Variants in ASTN2 observed in about 807,000 individuals in gnomAD.
ASTN2 encodes astrotactin 2.
Under a neutral mutation model 139.8 loss-of-function variants are expected in ASTN2, and 54 were observed. That is an observed-to-expected ratio of 0.39 (90% confidence interval 0.31 to 0.48). ASTN2 has a LOEUF of 0.48. Among genes scored for constraint, ASTN2 ranks in the 20% least tolerant of loss-of-function variants. The pLI is 0.95. For missense variants in ASTN2, 1,565 were observed against 1,725.1 expected (o/e 0.91, Z 1.64); for synonymous variants, 756 against 719.5 (o/e 1.05, Z -0.81).
At chr9:117,176,541 T>A (rs960686147) in intron 3 of ASTN2, among the ~76,000 whole-genome samples, 8 of 152,028 alleles carry the variant, frequency 5.3e-5, no homozygotes, top group African/African-American at 1.9e-4. Flanking sequence ...AAAAATAAAG[T>A]ACATTTTAGG....
chr9:116,822,124 T>A (rs1439329704), intron 11 of ASTN2, among the ~76,000 whole-genome samples: 2 of 151,562 alleles, frequency 1.3e-5, no homozygotes, highest in African/African-American at 4.9e-5. Flanking sequence ...CCCCTTCCCA[T>A]GCCATCGTCC....
intron 1 of ASTN2, among the ~76,000 whole-genome samples, chr9:117,315,920 G>A (rs1292717550): frequency 1.3e-5 from 2 of 152,174 alleles, no homozygotes; most frequent in Non-Finnish European, 2.9e-5. Flanking sequence ...AAAATTGTGG[G>A]CAGATGGTAG....
intron 19 of ASTN2, among the ~76,000 whole-genome samples, chr9:116,542,947 T>C (rs923715715): frequency 1.3e-5 from 2 of 151,954 alleles, no homozygotes; most frequent in Non-Finnish European, 1.5e-5. Context: ...CAAAAGACTA[T>C]TATTTTTGGT....
intron 19 of ASTN2, among the ~76,000 whole-genome samples, chr9:116,537,659 G>C (rs2119329367): frequency 6.6e-6 from 1 of 152,308 alleles, no homozygotes; most frequent in East Asian, 1.9e-4. Context: ...TATGATCCAG[G>C]ATTTGGAAAG....
intron 20 of ASTN2, among the ~76,000 whole-genome samples, chr9:116,450,582 G>A (rs1848144178): frequency 6.6e-6 from 1 of 152,112 alleles, no homozygotes; most frequent in Non-Finnish European, 1.5e-5. Context: ...CCCAGCCTGG[G>A]ACATGAGGGT....
chr9:117,210,790 T>C (rs890156265), intron 3 of ASTN2, among the ~76,000 whole-genome samples: 6 of 151,804 alleles, frequency 4.0e-5, no homozygotes, highest in Non-Finnish European at 8.8e-5. Context: ...CTGATGAAAA[T>C]ATATGCAAAA....
At chr9:116,897,405 T>A (rs1022652604) in intron 10 of ASTN2, among the ~76,000 whole-genome samples, 24 of 152,164 alleles carry the variant, frequency 1.6e-4, no homozygotes, top group Admixed American at 1.5e-3. Flanking sequence ...CAATCAAGGA[T>A]TACAGGCCAT....
At chr9:116,531,443 T>G (rs980881557) in intron 19 of ASTN2, among the ~76,000 whole-genome samples, 2 of 152,230 alleles carry the variant, frequency 1.3e-5, no homozygotes, top group Admixed American at 1.3e-4. Flanking sequence ...TGTATACGTG[T>G]GCCATGTCGG....
chr9:116,747,427 C>A (rs891031771), intron 13 of ASTN2, among the ~76,000 whole-genome samples: 11 of 152,144 alleles, frequency 7.2e-5, no homozygotes, highest in African/African-American at 2.7e-4. Context: ...TAGATGGATG[C>A]CCTTTGTTAA....
intron 13 of ASTN2, among the ~76,000 whole-genome samples, chr9:116,798,916 G>C (rs1287822344): frequency 1.3e-5 from 2 of 152,128 alleles, no homozygotes; most frequent in Non-Finnish European, 2.9e-5. Context: ...TTGTTCCCAA[G>C]ACACAAACGA....
intron 19 of ASTN2, among the ~76,000 whole-genome samples, chr9:116,601,587 T>A (rs901288695): frequency 6.6e-5 from 10 of 152,072 alleles, no homozygotes; most frequent in African/African-American, 2.2e-4. Context: ...ATAATGGGGA[T>A]CAAAGCAAAA....
At chr9:117,284,742 C>T (rs1834406829) in intron 2 of ASTN2, among the ~76,000 whole-genome samples, 1 of 152,204 alleles carries the variant, frequency 6.6e-6, no homozygotes, top group African/African-American at 2.4e-5. Context: ...GTGTCAGGCT[C>T]CAGCATATGT....
chr9:117,400,437 A>C (rs1830795221), intron 1 of ASTN2, among the ~76,000 whole-genome samples: 1 of 151,980 alleles, frequency 6.6e-6, no homozygotes. Context: ...TGGTTTGGAG[A>C]GATGGATTAA....
intron 3 of ASTN2, among the ~76,000 whole-genome samples, chr9:117,204,763 C>T (rs1357022332): frequency 4.6e-5 from 7 of 152,088 alleles, no homozygotes; most frequent in Admixed American, 4.6e-4. Context: ...AAAAACCAAA[C>T]AAACAACAAC....
At chr9:116,532,729 T>A (rs1851412036) in intron 19 of ASTN2, among the ~76,000 whole-genome samples, 2 of 152,194 alleles carry the variant, frequency 1.3e-5, no homozygotes, top group South Asian at 4.1e-4. Context: ...ATATCTCTGT[T>A]TTGGTACCAG....
intron 19 of ASTN2, among the ~76,000 whole-genome samples, chr9:116,609,211 A>C (rs1855378932): frequency 6.6e-6 from 1 of 151,584 alleles, no homozygotes; most frequent in South Asian, 2.1e-4. Flanking sequence ...CCATAAATCC[A>C]CAGATCCAAG....
At chr9:116,909,758 G>A (rs764462010) in intron 10 of ASTN2, among the ~76,000 whole-genome samples, 48 of 152,138 alleles carry the variant, frequency 3.2e-4, no homozygotes, top group Admixed American at 2.0e-4. Flanking sequence ...TGTTGTCTTC[G>A]AAGCCAAATT....
intron 3 of ASTN2, among the ~76,000 whole-genome samples, chr9:117,144,069 C>T (rs780035669): frequency 2.0e-5 from 3 of 152,042 alleles, no homozygotes; most frequent in Non-Finnish European, 4.4e-5. Context: ...AGTGGGATCC[C>T]AATCTGATAG....
intron 13 of ASTN2, among the ~76,000 whole-genome samples, chr9:116,802,724 A>C (rs1830896112): frequency 1.3e-5 from 2 of 152,250 alleles, no homozygotes; most frequent in Admixed American, 6.5e-5. Flanking sequence ...GGCTTCTGTT[A>C]AAAGCACCCC....
Sources: allele counts gnomAD v4.1 joint callset (sites outside exome capture counted in the v4.1 genomes callset), GRCh38; gene constraint gnomAD v4.1.1; transcripts MANE v1.5; gene names NCBI Gene and HGNC (gene_info 2026-07-23, HGNC 2026-07-21).